PCDH7: variants seen among roughly 807,000 people sequenced by gnomAD.
PCDH7 encodes protocadherin-7.
Under a neutral mutation model 58.9 loss-of-function variants are expected in PCDH7, and 17 were observed. That is an observed-to-expected ratio of 0.29 (90% CI 0.20 to 0.43). The LOEUF is 0.43. Among genes scored for constraint, PCDH7 ranks in the 20% least tolerant of loss-of-function variants. PCDH7 has a pLI of 1.00. For synonymous variants in PCDH7, 664 were observed against 616.4 expected (o/e 1.08, Z -1.14); for missense variants, 1,274 against 1,441.0 (o/e 0.88, Z 1.88).
At chr4:31,087,243 T>C (rs2109278834) in intron 3 of PCDH7, among the ~76,000 whole-genome samples, 1 of 152,272 alleles carries the variant, frequency 6.6e-6, no homozygotes, top group South Asian at 2.1e-4. Context: ...ATCTTTTTAC[T>C]CATTGTGGTG....
intron 3 of PCDH7, among the ~76,000 whole-genome samples, chr4:31,080,981 C>T (rs1277948106): frequency 2.0e-5 from 3 of 152,166 alleles, no homozygotes; most frequent in Admixed American, 2.0e-4. Flanking sequence ...GTAAGACATG[C>T]CTTTCACTTT....
chr4:30,759,197 C>A (rs1414812360), intron 1 of PCDH7, among the ~76,000 whole-genome samples: 1 of 152,146 alleles, frequency 6.6e-6, no homozygotes, highest in African/African-American at 2.4e-5. Context: ...CCGCCCTGGC[C>A]TCCCAAAGTG....
chr4:30,893,553 C>G (rs1255672279), intron 1 of PCDH7, among the ~76,000 whole-genome samples: 1 of 152,066 alleles, frequency 6.6e-6, no homozygotes, highest in Admixed American at 6.5e-5. Flanking sequence ...AGCACATATT[C>G]AAGTTTGCAG....
intron 3 of PCDH7, among the ~76,000 whole-genome samples, chr4:31,123,461 C>T (rs1389371133): frequency 2.0e-5 from 3 of 152,170 alleles, no homozygotes; most frequent in Middle Eastern, 3.4e-3. Context: ...AAACCCCTTG[C>T]GGGAGGAAAA....
chr4:30,881,283 C>T (rs968788968), intron 1 of PCDH7, among the ~76,000 whole-genome samples: 3 of 151,816 alleles, frequency 2.0e-5, no homozygotes, highest in Non-Finnish European at 4.4e-5. Flanking sequence ...ACCCAGGAGG[C>T]TGCAGTGAGC....
intron 1 of PCDH7, among the ~76,000 whole-genome samples, chr4:30,902,983 A>G (rs940624144): frequency 6.6e-6 from 1 of 152,130 alleles, no homozygotes; most frequent in Non-Finnish European, 1.5e-5. Flanking sequence ...ATACATGGAG[A>G]ACACTGGAAA....
intron 1 of PCDH7, among the ~76,000 whole-genome samples, chr4:30,757,910 A>G (rs1719525908): frequency 6.7e-6 from 1 of 149,646 alleles, no homozygotes; most frequent in Non-Finnish European, 1.5e-5. Flanking sequence ...GCATATGTAC[A>G]TGCTCTGTGC....
At chr4:31,000,244 C>T (rs182226857) in intron 3 of PCDH7, among the ~76,000 whole-genome samples, 10 of 152,098 alleles carry the variant, frequency 6.6e-5, no homozygotes, top group South Asian at 2.1e-4. Flanking sequence ...TCAATTTTAA[C>T]GTTTAGAAAA....
chr4:31,057,339 C>T (rs1184864509), intron 3 of PCDH7, among the ~76,000 whole-genome samples: 1 of 152,146 alleles, frequency 6.6e-6, no homozygotes, highest in East Asian at 1.9e-4. Context: ...TCCTAAAGCA[C>T]AGTCTCTGAA....
At chr4:30,930,630 A>G (rs1012762329) in intron 2 of PCDH7, among the ~76,000 whole-genome samples, 2 of 152,134 alleles carry the variant, frequency 1.3e-5, no homozygotes, top group Non-Finnish European at 2.9e-5. Context: ...TGACTGTGAA[A>G]TATATTAAAA....
chr4:31,142,167 TCTAA>T (rs1160572071), intron 3 of PCDH7, among the ~76,000 whole-genome samples: 1 of 152,154 alleles, frequency 6.6e-6, no homozygotes, highest in Non-Finnish European at 1.5e-5. Context: ...ATTTAGAGCT[TCTAA>T]CTGAGACCAT....
At chr4:30,953,953 A>G (rs530521129) in intron 3 of PCDH7, among the ~76,000 whole-genome samples, 3 of 152,152 alleles carry the variant, frequency 2.0e-5, no homozygotes, top group African/African-American at 4.8e-5. Context: ...ATGGTCTCAT[A>G]TATAACAATA....
chr4:30,986,487 A>G (rs2109117223), intron 3 of PCDH7, among the ~76,000 whole-genome samples: 1 of 152,298 alleles, frequency 6.6e-6, no homozygotes, highest in Non-Finnish European at 1.5e-5. Context: ...TTATATAGAT[A>G]TTGTAGCAAA....
At position 30,723,210 on chromosome 4, in the gene PCDH7, G is replaced by A. The variant is rs776370414; in HGVS notation, c.1788G>A (p.Val596=). The stretch of plus-strand genomic sequence containing the variant: ...CTGGGGACATCCTGGTCAATACCGT[G>A]CTGGACCGCGAGCAGACTGACAGGT... Residue 596 remains valine, a synonymous_variant, in exon 1 of 2, where the codon GTG becomes GTA. Coordinates refer to ENST00000361762, the Ensembl canonical transcript of PCDH7. The surrounding 1 kb of genome is among the most constrained non-coding windows in gnomAD (Gnocchi z 4.6). 6.2e-7 allele frequency: 1 copy of A among 1,614,230 alleles called. No homozygotes were observed. Among genetic ancestry groups the A allele is most frequent in the Non-Finnish European group, 8.5e-7 (1 of 1,180,054 alleles).
At chr4:30,888,372 A>G (rs1057012600) in intron 1 of PCDH7, among the ~76,000 whole-genome samples, 30 of 152,314 alleles carry the variant, frequency 2.0e-4, no homozygotes, top group African/African-American at 6.5e-4. Flanking sequence ...GAAAGTAATC[A>G]ACAATATCCA....
chr4:30,804,198 G>A (rs1031460418), intron 1 of PCDH7, among the ~76,000 whole-genome samples: 2 of 152,158 alleles, frequency 1.3e-5, no homozygotes, highest in African/African-American at 4.8e-5. Context: ...TAGTAGTAGA[G>A]AGGAAGACAT....
intron 3 of PCDH7, among the ~76,000 whole-genome samples, chr4:31,066,053 A>G (rs1578700451): frequency 6.6e-6 from 1 of 151,944 alleles, no homozygotes; most frequent in East Asian, 1.9e-4. Flanking sequence ...TCCTTCTATC[A>G]CACTAACCAA....
At chr4:31,074,628 C>CA (rs1758818776) in intron 3 of PCDH7, among the ~76,000 whole-genome samples, 2 of 151,062 alleles carry the variant, frequency 1.3e-5, no homozygotes, top group South Asian at 4.2e-4. Flanking sequence ...ACTAAAAATA[C>CA]AAAAAAATAG....
intron 1 of PCDH7, among the ~76,000 whole-genome samples, chr4:30,842,757 CA>C (rs1731381204): frequency 6.6e-6 from 1 of 152,094 alleles, no homozygotes; most frequent in African/African-American, 2.4e-5. Flanking sequence ...AGGGAAGCTA[CA>C]AGATAAGATT....
Sources: allele counts gnomAD v4.1 joint callset (sites outside exome capture counted in the v4.1 genomes callset), GRCh38; gene constraint gnomAD v4.1.1; non-coding constraint Gnocchi (gnomAD v3.1); transcripts MANE v1.5; gene names NCBI Gene and HGNC (gene_info 2026-07-23, HGNC 2026-07-21).